NFX1: variants seen among roughly 807,000 people sequenced by gnomAD.
NFX1 encodes nuclear transcription factor, X-box binding 1.
Under a neutral mutation model 137.2 loss-of-function variants are expected in NFX1, and 69 were observed. The observed-to-expected ratio is 0.50, with a 90% CI of 0.41 to 0.61. The LOEUF is 0.61. NFX1 is among the 20% of genes least tolerant of loss of function. The probability of loss-of-function intolerance (pLI) is 0.00; values close to 1 mark genes in which losing one functional copy is unlikely to be tolerated. For synonymous variants in NFX1, 495 were observed against 474.1 expected (o/e 1.04, Z -0.57); for missense variants, 1,167 against 1,391.0 (o/e 0.84, Z 2.56).
At position 33,364,125 on chromosome 9, in the gene NFX1, C is replaced by G; in HGVS notation, c.2972+17C>G. On this transcript the variant is annotated intron_variant, in intron 20 of 23. Coordinates refer to ENST00000379540, the MANE Select transcript of NFX1 (RefSeq NM_002504.6). ...AGATGCCAGGTATGTAACTTGTTAC[C>G]TGCTTTCTTAATTGTGGCTTGTCAG... 1 of 1,564,664 alleles carries G rather than the reference C, an allele frequency of 6.4e-7. No homozygotes were observed. Among genetic ancestry groups the G allele is most frequent in the Non-Finnish European group, 8.7e-7 (1 of 1,147,754 alleles).
intron 9 of NFX1, among the ~76,000 whole-genome samples, chr9:33,319,470 C>T (rs1822301749): frequency 6.6e-6 from 1 of 152,086 alleles, no homozygotes; most frequent in Non-Finnish European, 1.5e-5. Flanking sequence ...TGTTGAAAAC[C>T]CTTTTCACAT....
At position 33,352,631 on chromosome 9, in the gene NFX1, T is replaced by G; in HGVS notation, c.2656-15T>G. 6.2e-7 allele frequency: 1 copy of G among 1,613,356 alleles called. No homozygotes were observed. The highest frequency in any genetic ancestry group is 1.1e-5 in the South Asian group (1 of 91,064). Reference sequence around the variant, plus strand: ...CCAGTGTGCTAAAAGTCGTTCCATGTTCATCTGACTTCAGGTAGAGCTACA... The same window carrying G: ...CCAGTGTGCTAAAAGTCGTTCCATGGTCATCTGACTTCAGGTAGAGCTACA... On this transcript the variant is annotated splice_polypyrimidine_tract_variant and intron_variant, in intron 16 of 23. Coordinates refer to ENST00000379540, the MANE Select transcript of NFX1 (RefSeq NM_002504.6).
At chr9:33,311,675 C>G (rs1821965388) in intron 6 of NFX1, among the ~76,000 whole-genome samples, 1 of 152,194 alleles carries the variant, frequency 6.6e-6, no homozygotes, top group East Asian at 1.9e-4. Flanking sequence ...GCCTCAGCCT[C>G]CCAAGTAGCT....
intron 9 of NFX1, among the ~76,000 whole-genome samples, chr9:33,321,720 C>G (rs1237612542): frequency 6.6e-6 from 1 of 152,026 alleles, no homozygotes; most frequent in Non-Finnish European, 1.5e-5. Flanking sequence ...TACCAAAAAA[C>G]ATTTTTTATT....
intron 9 of NFX1, among the ~76,000 whole-genome samples, chr9:33,322,180 G>C (rs1822411027): frequency 6.7e-6 from 1 of 148,388 alleles, no homozygotes; most frequent in African/African-American, 2.5e-5. Context: ...CAGCCTAGGT[G>C]ACAGAGTGAG....
intron 2 of NFX1, among the ~76,000 whole-genome samples, chr9:33,300,010 A>G (rs1323699369): frequency 6.7e-6 from 1 of 150,224 alleles, no homozygotes; most frequent in East Asian, 1.9e-4. Context: ...TGGATAAATG[A>G]TCTAACTACA....
rs1419852222 is a variant in NFX1, at chr9:33,347,037, G to A, written c.2345-1G>A. On this transcript the variant is annotated splice_acceptor_variant, in intron 14 of 23. Transcript: ENST00000379540. LOFTEE classifies it high-confidence loss of function. ...CTAAAGTTACCTTTCTCTTTCTGCA[G>A]TATATCATTCTTGTCATAGTGAGGA... The A allele has an allele frequency of 1.9e-6, 3 of 1,610,204 alleles. No homozygotes were observed. The African/African-American group carries it at 4.0e-5, about 22-fold the overall frequency.
chr9:33,313,286 G>A (rs1284375225), intron 6 of NFX1, among the ~76,000 whole-genome samples: 1 of 152,062 alleles, frequency 6.6e-6, no homozygotes, highest in East Asian at 1.9e-4. Context: ...AAAGAAAAAG[G>A]AGGAGAAAGA....
At chr9:33,319,893 T>C (rs1400118732) in intron 9 of NFX1, among the ~76,000 whole-genome samples, 1 of 152,150 alleles carries the variant, frequency 6.6e-6, no homozygotes, top group Non-Finnish European at 1.5e-5. Flanking sequence ...AAGTTTCCCA[T>C]CTAGCTGAGG....
In NFX1 at chr9:33,338,543, A is replaced by G. The variant is rs757447295; in HGVS notation, c.2069A>G (p.Lys690Arg). The part of the protein sequence containing the change: ...ATFMCDKRCN[K>R]KRLCGRHKCN... ...TTTATGTGTGACAAGCGGTGTAACAAGAAACGGTTGTGTGGACGGCATAAA... is the reference window on the plus strand; with the variant it reads ...TTTATGTGTGACAAGCGGTGTAACAGGAAACGGTTGTGTGGACGGCATAAA... The change falls in exon 12 of 24, where the codon AAG (lysine) becomes AGG (arginine). Residue 690 changes from lysine to arginine, a missense_variant. Lys to Arg is a conservative substitution (Grantham distance 26). Around this residue, in one of 3 missense-constraint regions of NFX1, gnomAD observed 488 missense variants for 691.5 expected, o/e 0.71. Coordinates refer to ENST00000379540, the MANE Select transcript of NFX1 (RefSeq NM_002504.6). 6.2e-7 allele frequency: 1 copy of G among 1,603,984 alleles called. No homozygotes were observed. Among genetic ancestry groups the G allele is most frequent in the African/African-American group, 1.4e-5 (1 of 74,026 alleles).
rs1366946086 is a variant in NFX1 at position 33,366,674 on chromosome 9, G to A, written c.3085G>A (p.Asp1029Asn). 1.2e-6 allele frequency: 2 copies of A among 1,614,016 alleles called. No individual in the cohort carries two copies. Among genetic ancestry groups the A allele is most frequent in the Non-Finnish European group, 1.7e-6 (2 of 1,180,038 alleles). The part of the protein sequence containing the change: ...KSHSFPPMNR[D>N]HRRIIHDLAQ... Reference sequence around the variant, plus strand: ...CCACAGCTTCCCTCCCATGAACAGAGACCACCGCCGGATCATCCATGACTT... The same window carrying A: ...CCACAGCTTCCCTCCCATGAACAGAAACCACCGCCGGATCATCCATGACTT... Residue 1029 changes from aspartate to asparagine, a missense_variant, in exon 22 of 24, where the codon GAC becomes AAC. Physicochemically the swap from Asp to Asn is conservative, Grantham distance 23. This residue lies in a region of NFX1 where 312 missense variants were observed against 312.8 expected (regional missense o/e 1.00). Coordinates refer to ENST00000379540, the MANE Select transcript of NFX1 (RefSeq NM_002504.6).
intron 2 of NFX1, among the ~76,000 whole-genome samples, chr9:33,300,914 G>A (rs1377457308): frequency 6.6e-6 from 1 of 152,230 alleles, no homozygotes; most frequent in Non-Finnish European, 1.5e-5. Context: ...TAGATTTAGA[G>A]GATCCTGGAA....
Position 33,351,704 on chromosome 9 carries a change from A to G in NFX1, c.2569A>G (p.Thr857Ala). 3.1e-6 allele frequency: 5 copies of G among 1,613,978 alleles called. No homozygotes were observed. The highest frequency in any genetic ancestry group is 1.6e-4 in the Middle Eastern group (1 of 6,062). The change falls in exon 16 of 24, where the codon ACC becomes GCC. Residue 857 changes from threonine to alanine, a missense_variant. Coordinates refer to ENST00000379540, the MANE Select transcript of NFX1 (RefSeq NM_002504.6). Reference sequence around the variant, plus strand: ...GGATGAGCCCTGCAAGCAGCCCTGCACCACCCCCAGAGCTGACTGTGGTCA... The same window carrying G: ...GGATGAGCCCTGCAAGCAGCCCTGCGCCACCCCCAGAGCTGACTGTGGTCA... ...LVDEPCKQPC[T>A]TPRADCGHPC...
In NFX1 at chr9:33,296,810, G is replaced by A. The variant is rs527736143; in HGVS notation, c.1033+1383G>A. On this transcript the variant is annotated intron_variant, in intron 2 of 23. Transcript: ENST00000379540. Reference sequence around the variant, plus strand: ...AGCGTTAATCTCTTACAGCCCTCACGCTTATGTCTTTCTCTTAAATTTGCA... The same window carrying A: ...AGCGTTAATCTCTTACAGCCCTCACACTTATGTCTTTCTCTTAAATTTGCA... 3.3e-5 allele frequency among the ~76,000 whole-genome samples: 5 copies of A among 152,264 alleles called. No individual in the cohort carries two copies. The East Asian group carries it at 5.8e-4, about 18-fold the overall frequency.
chr9:33,307,356 T>G (rs1296013798), intron 5 of NFX1, 57 bp downstream of exon 5: 2 of 1,445,996 alleles, frequency 1.4e-6, no homozygotes, highest in African/African-American at 2.8e-5. Context: ...TGCTGGTGGC[T>G]CTAAGTAAAC....
intron 11 of NFX1, among the ~76,000 whole-genome samples, chr9:33,335,662 C>T (rs940750590): frequency 6.6e-5 from 10 of 152,108 alleles, no homozygotes; most frequent in South Asian, 2.1e-4. Flanking sequence ...AAAACATTTT[C>T]GTCACCCTGA....
chr9:33,355,263 A>G (rs35844303), intron 19 of NFX1, among the ~76,000 whole-genome samples: 49 of 152,346 alleles, frequency 3.2e-4, no homozygotes, highest in Non-Finnish European at 6.8e-4. Context: ...AGATCAGTGA[A>G]TCGTCACTAA....
intron 2 of NFX1, among the ~76,000 whole-genome samples, chr9:33,295,637 A>G (rs907288294): frequency 6.6e-6 from 1 of 152,240 alleles, no homozygotes; most frequent in South Asian, 2.1e-4. Flanking sequence ...TATCACAAGC[A>G]AATACAAATA....
At chr9:33,312,287 T>TA (rs1269490820) in intron 6 of NFX1, among the ~76,000 whole-genome samples, 1 of 152,208 alleles carries the variant, frequency 6.6e-6, no homozygotes, top group African/African-American at 2.4e-5. Flanking sequence ...CTGGGCAAGT[T>TA]GCTTGGTCTC....
Sources: gnomAD v4.1 joint callset for allele counts (sites outside exome capture counted in the v4.1 genomes callset) on GRCh38, gnomAD v4.1.1 for gene constraint, gnomAD v4.1.1 regional missense constraint, MANE v1.5 for transcripts, NCBI Gene and HGNC (gene_info 2026-07-23, HGNC 2026-07-21) for gene names.